Variants in LINGO2 observed in about 807,000 individuals in gnomAD.
The protein encoded by LINGO2 is leucine rich repeat and Ig domain containing 2, also known as leucine-rich repeat and immunoglobulin-like domain-containing nogo receptor-interacting protein 2.
A neutral mutation model predicts 30.6 loss-of-function variants in LINGO2; 14 were observed. That is an observed-to-expected ratio of 0.46 (90% CI 0.30 to 0.72). LINGO2 has a LOEUF of 0.72. Ranked by LOEUF, LINGO2 falls within the 30% of genes least tolerant of loss-of-function variation. LINGO2 has a pLI of 0.07. For synonymous variants in LINGO2, 317 were observed against 288.5 expected (o/e 1.10, Z -1.00); for missense variants, 729 against 751.7 (o/e 0.97, Z 0.35).
At chr9:28,295,574 C>T (rs1369624176) in intron 3 of LINGO2, among the ~76,000 whole-genome samples, 1 of 152,100 alleles carries the variant, frequency 6.6e-6, no homozygotes, top group East Asian at 1.9e-4. Flanking sequence ...GCATGTCCCT[C>T]TGCATGTTGT....
chr9:28,035,204 G>C (rs1823872609), intron 4 of LINGO2, among the ~76,000 whole-genome samples: 1 of 152,174 alleles, frequency 6.6e-6, no homozygotes, highest in South Asian at 2.1e-4. Context: ...TCAGCATACT[G>C]CTAACTCGGT....
the LINGO2 span, among the ~76,000 whole-genome samples, chr9:29,045,058 T>G: frequency 6.6e-6 from 1 of 152,250 alleles, no homozygotes; most frequent in Non-Finnish European, 1.5e-5. Flanking sequence ...ATGAGATTTT[T>G]ACAACAGTTG....
Position 28,038,996 on chromosome 9 carries a change from AG to A in LINGO2, c.-86-26592del, listed in dbSNP as rs751463563. Among the ~76,000 whole-genome samples, 505 of 152,316 alleles carry A rather than the reference AG, an allele frequency of 3.3e-3. 2 individuals are homozygous for A. Among genetic ancestry groups the A allele is most frequent in the Non-Finnish European group, 5.5e-3 (377 of 68,024 alleles). On this transcript the variant is annotated intron_variant, in intron 4 of 5. Coordinates refer to ENST00000379992, the Ensembl canonical transcript of LINGO2. ...GGTCTACAATTCTTTTTGATTGTGT[AG>A]CACGAAATCTTAAAGGAGTTTGGCA...
intron 3 of LINGO2, among the ~76,000 whole-genome samples, chr9:28,324,123 G>A (rs1396972971): frequency 1.3e-5 from 2 of 152,120 alleles, no homozygotes; most frequent in Non-Finnish European, 2.9e-5. Context: ...GAGTCAGAAG[G>A]GGATTAACCA....
chr9:28,776,754 G>C, the LINGO2 span, among the ~76,000 whole-genome samples: 24,582 of 151,706 alleles, frequency 0.16, 2,131 homozygotes, highest in East Asian at 0.35. Context: ...AAGTAAATAA[G>C]CAATAACGAT....
chr9:28,300,423 G>C (rs560054115), intron 3 of LINGO2, among the ~76,000 whole-genome samples: 2 of 152,250 alleles, frequency 1.3e-5, no homozygotes, highest in South Asian at 4.1e-4. Flanking sequence ...AATTCTCTTT[G>C]TTTTTGTCTT....
At chr9:28,823,719 C>A in the LINGO2 span, among the ~76,000 whole-genome samples, 2 of 152,146 alleles carry the variant, frequency 1.3e-5, no homozygotes, top group Non-Finnish European at 2.9e-5. Flanking sequence ...GAACTGTCAA[C>A]CACCTGAATG....
Position 28,242,523 on chromosome 9 carries a change from G to A in LINGO2, c.-87+52685C>T, listed in dbSNP as rs1165014304. 2.0e-5 allele frequency among the ~76,000 whole-genome samples: 3 copies of A among 152,142 alleles called. No homozygotes were observed. In the East Asian group the frequency reaches 5.8e-4, roughly 29 times the overall value. On this transcript the variant is annotated intron_variant, in intron 4 of 5. Coordinates refer to ENST00000379992, the Ensembl canonical transcript of LINGO2. ...TTGGAGTACCTGAAAGAGACAGGGTGAATGGATTCAAGTTGAAAAACACAC... is the reference window on the plus strand; with the variant it reads ...TTGGAGTACCTGAAAGAGACAGGGTAAATGGATTCAAGTTGAAAAACACAC...
At chr9:29,203,758 CT>C in the LINGO2 span, among the ~76,000 whole-genome samples, 1 of 152,192 alleles carries the variant, frequency 6.6e-6, no homozygotes. Flanking sequence ...CCACACAGCA[CT>C]TAGTCTCACT....
chr9:28,941,353 C>T, the LINGO2 span, among the ~76,000 whole-genome samples: 1 of 152,218 alleles, frequency 6.6e-6, no homozygotes, highest in African/African-American at 2.4e-5. Flanking sequence ...TGAGAAGAAA[C>T]AAACGATACC....
rs559427468 is a variant in LINGO2, at chr9:28,475,600, T to C, written c.-279+340A>G. 5.9e-5 allele frequency among the ~76,000 whole-genome samples: 9 copies of C among 152,312 alleles called. 1 individual carries two copies. The South Asian group carries it at 1.9e-3, about 32-fold the overall frequency. On this transcript the variant is annotated intron_variant, in intron 2 of 5. Transcript: ENST00000379992. ...TTTAAGCTCTTTATGCTAAGAAAAC[T>C]ACTGAATTCTTTATATGCAATGTCT...
At chr9:28,446,550 C>G (rs1298364296) in intron 2 of LINGO2, among the ~76,000 whole-genome samples, 1 of 152,180 alleles carries the variant, frequency 6.6e-6, no homozygotes, top group Non-Finnish European at 1.5e-5. Context: ...CAATCAATTA[C>G]TAAGTCTTAT....
the LINGO2 span, among the ~76,000 whole-genome samples, chr9:29,179,433 C>T: frequency 6.6e-6 from 1 of 151,932 alleles, no homozygotes; most frequent in Non-Finnish European, 1.5e-5. Flanking sequence ...GAGACAGAGT[C>T]TCACTCTGTC....
chr9:28,738,408 A>G, the LINGO2 span, among the ~76,000 whole-genome samples: 1 of 152,192 alleles, frequency 6.6e-6, no homozygotes, highest in Non-Finnish European at 1.5e-5. Flanking sequence ...TCAACAACCC[A>G]TAACTGAACT....
chr9:28,508,346 G>A (rs974647156), intron 1 of LINGO2, among the ~76,000 whole-genome samples: 2 of 152,018 alleles, frequency 1.3e-5, no homozygotes, highest in Admixed American at 1.3e-4. Flanking sequence ...CAATAGTTGA[G>A]TAATCTTTTA....
At chr9:28,582,287 G>A (rs1424318267) in intron 1 of LINGO2, among the ~76,000 whole-genome samples, 4 of 151,934 alleles carry the variant, frequency 2.6e-5, no homozygotes, top group African/African-American at 4.8e-5. Context: ...TTTCATATTC[G>A]AGAAAGAAAA....
chr9:29,115,750 G>A, the LINGO2 span, among the ~76,000 whole-genome samples: 1 of 151,860 alleles, frequency 6.6e-6, no homozygotes, highest in African/African-American at 2.4e-5. Flanking sequence ...GTAATGCATG[G>A]ATACAAAAGT....
chr9:28,375,868 G>C (rs991182871), intron 2 of LINGO2, among the ~76,000 whole-genome samples: 1 of 152,076 alleles, frequency 6.6e-6, no homozygotes, highest in South Asian at 2.1e-4. Flanking sequence ...CCTCTGAGAG[G>C]GGACACAGTA....
chr9:29,034,820 G>A, the LINGO2 span, among the ~76,000 whole-genome samples: 30 of 152,222 alleles, frequency 2.0e-4, no homozygotes, highest in African/African-American at 5.8e-4. Flanking sequence ...CGTGTCTGCT[G>A]CCTTCAGCAC....
Sources: gnomAD v4.1 joint callset for allele counts (sites outside exome capture counted in the v4.1 genomes callset) on GRCh38, gnomAD v4.1.1 for gene constraint, MANE v1.5 for transcripts, NCBI Gene and HGNC (gene_info 2026-07-23, HGNC 2026-07-21) for gene names.